MYRFL: variants seen among roughly 807,000 people sequenced by gnomAD.
MYRFL encodes the protein myelin regulatory factor-like protein.
Under a neutral mutation model 109.4 loss-of-function variants are expected in MYRFL, and 88 were observed. The observed-to-expected ratio is 0.80, with a 90% CI of 0.68 to 0.96. MYRFL has a LOEUF of 0.96. Ranked by LOEUF, MYRFL falls within the 40% of genes least tolerant of loss-of-function variation. The pLI is 0.00. For missense variants in MYRFL, 957 were observed against 954.9 expected (o/e 1.00, Z -0.03); for synonymous variants, 324 against 320.9 (o/e 1.01, Z -0.10).
intron 19 of MYRFL, among the ~76,000 whole-genome samples, chr12:69,945,517 A>G (rs140386808): frequency 6.6e-6 from 1 of 152,212 alleles, no homozygotes; most frequent in Admixed American, 6.5e-5. Context: ...GTAGTAGGCT[A>G]TACAATCTAG....
chr12:69,879,040 C>T lies in MYRFL; in HGVS notation c.150C>T (p.Leu50=). ...DFDLGALQRQ[L]PDTPPYSASD... is the part of the protein sequence containing the mutation. Reference sequence around the variant, plus strand: ...CTCTAATCTTCAGGCAACGCCAGCTCCCAGACACCCCGCCCTATTCTGCAT... The same window carrying T: ...CTCTAATCTTCAGGCAACGCCAGCTTCCAGACACCCCGCCCTATTCTGCAT... Residue 50 remains leucine (L), a synonymous_variant, in exon 3 of 25, where the codon CTC becomes CTT. Transcript: ENST00000552032. 1 of 702,988 alleles carries T rather than the reference C, an allele frequency of 1.4e-6. No individual in the cohort carries two copies. Among genetic ancestry groups the T allele is most frequent in the Non-Finnish European group, 2.6e-6 (1 of 384,848 alleles). 43.5% of individuals were successfully genotyped at this position (702,988 alleles called of 1,614,324 possible).
chr12:69,905,126 G>A (rs938557037), intron 11 of MYRFL, among the ~76,000 whole-genome samples: 1 of 152,178 alleles, frequency 6.6e-6, no homozygotes, highest in African/African-American at 2.4e-5. Flanking sequence ...ACTTTAGAGA[G>A]AGATCATCTG....
chr12:69,941,933 A>G (rs1261844509), intron 19 of MYRFL, among the ~76,000 whole-genome samples: 1 of 149,782 alleles, frequency 6.7e-6, no homozygotes, highest in East Asian at 2.0e-4. Flanking sequence ...TAGAAAATCT[A>G]GAAGAAATGG....
intron 15 of MYRFL, among the ~76,000 whole-genome samples, chr12:69,928,338 G>A (rs1415865076): frequency 6.6e-6 from 1 of 152,218 alleles, no homozygotes; most frequent in Non-Finnish European, 1.5e-5. Context: ...CAGTAAGGAA[G>A]AAGCTGCAAT....
intron 7 of MYRFL, among the ~76,000 whole-genome samples, chr12:69,892,002 C>T (rs1196709261): frequency 6.6e-6 from 1 of 152,082 alleles, no homozygotes; most frequent in Non-Finnish European, 1.5e-5. Context: ...TAAGCCTGGG[C>T]TCAGAAAATG....
intron 2 of MYRFL, among the ~76,000 whole-genome samples, chr12:69,872,738 A>G (rs1271246112): frequency 6.6e-6 from 1 of 151,890 alleles, no homozygotes; most frequent in Non-Finnish European, 1.5e-5. Flanking sequence ...TGACCTTGTG[A>G]TCCACCTGCC....
Position 69,909,966 on chromosome 12 carries a change from T to A in MYRFL, c.1384-3T>A, listed in dbSNP as rs1954500862. On this transcript the variant is annotated splice_region_variant and splice_polypyrimidine_tract_variant and intron_variant, in intron 11 of 24. Coordinates refer to ENST00000552032, the MANE Select transcript of MYRFL (RefSeq NM_182530.3). Reference sequence around the variant, plus strand: ...AAAATCTGCTCTTCTTTAATTAAATTAGGTTGACACGAATGAACAGCTGAA... The same window carrying A: ...AAAATCTGCTCTTCTTTAATTAAATAAGGTTGACACGAATGAACAGCTGAA... 6.6e-7 allele frequency: 1 copy of A among 1,520,750 alleles called. No individual in the cohort carries two copies. The highest frequency in any genetic ancestry group is 8.8e-7 in the Non-Finnish European group (1 of 1,141,282). 94.2% of individuals were successfully genotyped at this position (1,520,750 alleles called of 1,614,324 possible). A position where few individuals can be genotyped will look rare whatever the true frequency, so the allele number is the denominator to read the frequency against.
intron 1 of MYRFL, among the ~76,000 whole-genome samples, chr12:69,851,790 C>T (rs1016234581): frequency 3.9e-5 from 6 of 152,136 alleles, no homozygotes; most frequent in African/African-American, 1.4e-4. Flanking sequence ...TCCTGAGAAT[C>T]TGGGACTACA....
In MYRFL at chr12:69,958,293, C is replaced by A; in HGVS notation, c.2616C>A (p.Asp872Glu). ...IWSLPVAPFS[D>E]SMFHFRVAAP... ...GCCTCCCTGTAGCCCCATTTTCTGA[C>A]AGCATGTTCCATTTCCGTGTAGCTG... Residue 872 changes from aspartate to glutamate, a missense_variant, in exon 24 of 25, where the codon GAC becomes GAA. Transcript: ENST00000552032. 6.5e-7 allele frequency: 1 copy of A among 1,536,562 alleles called. No homozygotes were observed. Among genetic ancestry groups the A allele is most frequent in the South Asian group, 1.2e-5 (1 of 84,058 alleles).
intron 6 of MYRFL, among the ~76,000 whole-genome samples, 188 bp from the exon 7 acceptor site, chr12:69,890,783 A>G (rs1886750520): frequency 6.6e-6 from 1 of 152,258 alleles, no homozygotes. Flanking sequence ...GCTGGGAAAC[A>G]GCCAGCTGTG....
intron 1 of MYRFL, among the ~76,000 whole-genome samples, chr12:69,826,201 A>G (rs1005792593): frequency 6.6e-6 from 1 of 152,096 alleles, no homozygotes; most frequent in Admixed American, 6.6e-5. Flanking sequence ...AATCAACACC[A>G]TGGGGTAGTT....
At position 69,955,343 on chromosome 12, in the gene MYRFL, TA is replaced by T. The variant is rs111576534; in HGVS notation, c.2376-19del. The T allele has an allele frequency of 0.011, 6,771 of 624,018 alleles. 292 individuals carry two copies. The African/African-American group carries it at 0.11, about 10-fold the overall frequency. The allele number at this position is 624,018 out of a possible 1,614,324, so 38.7% of individuals were successfully genotyped here. A position where few individuals can be genotyped will look rare whatever the true frequency, so the allele number is the denominator to read the frequency against. On this transcript the variant is annotated intron_variant, in intron 21 of 24. Transcript: ENST00000552032. ...TCCTGCATATTTTGATTTGTGGTTT[TA>T]TTTTCTTTCCATAATTAGATCTGGA...
At chr12:69,925,845 T>C (rs1955058096) in intron 13 of MYRFL, among the ~76,000 whole-genome samples, 1 of 152,234 alleles carries the variant, frequency 6.6e-6, no homozygotes, top group African/African-American at 2.4e-5. Context: ...CATTGGATTT[T>C]GAAGCAGATA....
rs188340487 is a variant in MYRFL at position 69,899,029 on chromosome 12, C to T, written c.1182+1783C>T. Among the ~76,000 whole-genome samples, 20 of 152,310 alleles carry T rather than the reference C, an allele frequency of 1.3e-4. No homozygotes were observed. In the East Asian group the frequency reaches 2.9e-3, roughly 22 times the overall value. On this transcript the variant is annotated intron_variant, in intron 10 of 24. Transcript: ENST00000552032. ...GAGTACCAAAAATATTAAATTTACT[C>T]AGCATAGTTTGGGTGTCATGCTATT...
intron 1 of MYRFL, among the ~76,000 whole-genome samples, chr12:69,832,944 TTGTGTGTGTGTG>T (rs57702116): frequency 0.018 from 2,609 of 143,728 alleles, 32 homozygotes; most frequent in East Asian, 0.059. Flanking sequence ...AGGAACAGGC[TTGTGTGTGTGTG>T]TGTGTGTGTG....
intron 19 of MYRFL, among the ~76,000 whole-genome samples, chr12:69,951,154 G>GA (rs1955964108): frequency 6.6e-6 from 1 of 152,200 alleles, no homozygotes. Flanking sequence ...GGAAAGGAGG[G>GA]ATCTGTGAGC....
intron 2 of MYRFL, among the ~76,000 whole-genome samples, chr12:69,862,816 C>T (rs1303308603): frequency 5.3e-5 from 8 of 152,204 alleles, no homozygotes; most frequent in Non-Finnish European, 1.0e-4. Flanking sequence ...GAGGGCCTCC[C>T]TGTCTTGTGC....
At chr12:69,936,914 C>T (rs1036856847) in intron 19 of MYRFL, among the ~76,000 whole-genome samples, 5 of 152,114 alleles carry the variant, frequency 3.3e-5, no homozygotes, top group Non-Finnish European at 7.4e-5. Flanking sequence ...GTAGCACAAG[C>T]GAAGTAATTA....
chr12:69,922,358 A>C (rs764952936), intron 13 of MYRFL, among the ~76,000 whole-genome samples: 1 of 152,218 alleles, frequency 6.6e-6, no homozygotes, highest in Non-Finnish European at 1.5e-5. Flanking sequence ...CAAATTTAGA[A>C]GTAAAGGAAA....
Sources: gnomAD v4.1 joint callset for allele counts (sites outside exome capture counted in the v4.1 genomes callset) on GRCh38, gnomAD v4.1.1 for gene constraint, MANE v1.5 for transcripts, NCBI Gene and HGNC (gene_info 2026-07-23, HGNC 2026-07-21) for gene names.